GLRX3: variants seen among roughly 807,000 people sequenced by gnomAD.
GLRX3 encodes glutaredoxin 3, also known as glutaredoxin-3.
GLRX3 carries 22 observed loss-of-function variants against 49.5 expected under a neutral mutation model. The ratio of observed to expected loss-of-function variants is 0.44; its 90% CI spans 0.32 to 0.63. The LOEUF is 0.63. GLRX3 is among the 30% of genes least tolerant of loss of function. GLRX3 has a pLI of 0.05. For synonymous variants in GLRX3, 133 were observed against 140.0 expected, an observed-to-expected ratio of 0.95 and a Z score of 0.35; for missense variants, 385 against 396.3, an observed-to-expected ratio of 0.97 and a Z score of 0.24.
chr10:130,150,918 C>G (rs145700374), intron 2 of GLRX3, among the ~76,000 whole-genome samples: 3 of 150,812 alleles, frequency 2.0e-5, no homozygotes, highest in Non-Finnish European at 4.4e-5. Context: ...TCAGATAATT[C>G]TGGTAGAATT....
chr10:130,143,429 G>C lies in GLRX3; in HGVS notation c.93-1782G>C, dbSNP rs187029323. On this transcript the variant is annotated intron_variant, in intron 1 of 10. Transcript: ENST00000331244. Reference sequence around the variant, plus strand: ...CATAAAACTGAAGGATTTTTTAGTTGGATATGACCATAGATATCTTTGCCA... The same window carrying C: ...CATAAAACTGAAGGATTTTTTAGTTCGATATGACCATAGATATCTTTGCCA... Among the ~76,000 whole-genome samples the C allele has an allele frequency of 2.0e-5, 3 of 152,080 alleles. No individual in the cohort carries two copies. In the East Asian group the frequency reaches 5.8e-4, roughly 29 times the overall value.
chr10:130,148,114 G>C (rs1436388453), intron 2 of GLRX3, among the ~76,000 whole-genome samples: 2 of 152,016 alleles, frequency 1.3e-5, no homozygotes, highest in Non-Finnish European at 2.9e-5. Flanking sequence ...ATGTTCTTCT[G>C]CTTCATCTTG....
intron 2 of GLRX3, among the ~76,000 whole-genome samples, chr10:130,147,320 A>G (rs143238553): frequency 1.4e-3 from 206 of 152,380 alleles, no homozygotes; most frequent in African/African-American, 4.8e-3. Flanking sequence ...TTTTATGTGT[A>G]TCATGTTACT....
At chr10:130,174,843 T>C (rs1055056853) in intron 8 of GLRX3, 24 bp from the exon 9 acceptor site, 1 of 1,481,120 alleles carries the variant, frequency 6.8e-7, no homozygotes, top group Admixed American at 1.7e-5. Flanking sequence ...TATTTCCAGT[T>C]AAAATGTCTT....
At chr10:130,148,929 A>G (rs987340191) in intron 2 of GLRX3, among the ~76,000 whole-genome samples, 3 of 152,080 alleles carry the variant, frequency 2.0e-5, no homozygotes, top group Non-Finnish European at 4.4e-5. Context: ...CTAGCTGTGT[A>G]CACCTGTTGC....
intron 2 of GLRX3, among the ~76,000 whole-genome samples, chr10:130,158,529 A>G (rs1274534379): frequency 6.6e-6 from 1 of 152,192 alleles, no homozygotes; most frequent in Non-Finnish European, 1.5e-5. Flanking sequence ...ATTCAGTAGT[A>G]CTGAAGGAAG....
At chr10:130,165,354 A>G (rs1048658618) in intron 4 of GLRX3, among the ~76,000 whole-genome samples, 16 of 152,218 alleles carry the variant, frequency 1.1e-4, no homozygotes, top group African/African-American at 3.9e-4. Context: ...TAGGTTTATA[A>G]AAGACTGATA....
chr10:130,136,905 C>T (rs1234752782), intron 1 of GLRX3, among the ~76,000 whole-genome samples: 1 of 152,126 alleles, frequency 6.6e-6, no homozygotes, highest in Non-Finnish European at 1.5e-5. Flanking sequence ...CGCCGAGACC[C>T]CGGCCCTCCG....
intron 1 of GLRX3, among the ~76,000 whole-genome samples, chr10:130,144,379 T>G (rs1054816603): frequency 6.6e-6 from 1 of 151,704 alleles, no homozygotes; most frequent in Admixed American, 6.6e-5. Flanking sequence ...CCATGGTGGT[T>G]TGCTGCACCT....
intron 1 of GLRX3, among the ~76,000 whole-genome samples, chr10:130,137,414 G>A (rs1350665244): frequency 6.6e-6 from 1 of 152,162 alleles, no homozygotes; most frequent in Non-Finnish European, 1.5e-5. Context: ...ACTACTCCAA[G>A]GACTGAGTTG....
At chr10:130,149,013 G>A (rs1201419947) in intron 2 of GLRX3, among the ~76,000 whole-genome samples, 1 of 152,098 alleles carries the variant, frequency 6.6e-6, no homozygotes, top group Non-Finnish European at 1.5e-5. Context: ...AGCTATGATT[G>A]TGCCACTATA....
chr10:130,168,506 G>A (rs1284503581), intron 6 of GLRX3, among the ~76,000 whole-genome samples: 4 of 152,164 alleles, frequency 2.6e-5, no homozygotes, highest in Admixed American at 1.3e-4. Context: ...GTGCAGTGGT[G>A]CTATCTTGGC....
At chr10:130,155,882 G>A (rs1862462370) in intron 2 of GLRX3, among the ~76,000 whole-genome samples, 1 of 152,190 alleles carries the variant, frequency 6.6e-6, no homozygotes, top group South Asian at 2.1e-4. Context: ...GAGCATTTAG[G>A]GAGGGCAGAG....
At chr10:130,164,988 CAAAT>C (rs1367439622) in intron 4 of GLRX3, among the ~76,000 whole-genome samples, 3 of 152,204 alleles carry the variant, frequency 2.0e-5, no homozygotes, top group Non-Finnish European at 4.4e-5. Flanking sequence ...ATATGCTATA[CAAAT>C]AAATACTAGT....
rs149024140 is a variant in GLRX3, at chr10:130,172,092, T to G, written c.824+456T>G. Among the ~76,000 whole-genome samples, 55 of 152,360 alleles carry G rather than the reference T, an allele frequency of 3.6e-4. No homozygotes were observed. In the East Asian group the frequency reaches 0.01, roughly 29 times the overall value. ...TGTATTGTTTTGTGAATGCCTTAAC[T>G]TAGATCAAAATAGTATTTTCTGGCC... On this transcript the variant is annotated intron_variant, in intron 8 of 10. Transcript: ENST00000331244.
At chr10:130,159,853 T>C in intron 2 of GLRX3, 142 bp from the exon 3 acceptor site, 3 of 1,353,868 alleles carry the variant, frequency 2.2e-6, no homozygotes, top group Non-Finnish European at 2.0e-6. Context: ...CATTTAAATG[T>C]AAATGTGTCA....
intron 3 of GLRX3, among the ~76,000 whole-genome samples, chr10:130,160,414 C>G (rs1006902221): frequency 6.6e-6 from 1 of 152,176 alleles, no homozygotes; most frequent in Non-Finnish European, 1.5e-5. Context: ...GAATCTCTGG[C>G]TGGTTCTGGT....
At chr10:130,178,799 T>G (rs1452781285) in intron 10 of GLRX3, among the ~76,000 whole-genome samples, 1 of 152,028 alleles carries the variant, frequency 6.6e-6, no homozygotes, top group Admixed American at 6.6e-5. Flanking sequence ...ACCTCCCGGG[T>G]TCAGGAGATT....
intron 3 of GLRX3, among the ~76,000 whole-genome samples, chr10:130,160,535 G>A (rs983420706): frequency 1.3e-5 from 2 of 152,174 alleles, no homozygotes; most frequent in African/African-American, 4.8e-5. Flanking sequence ...ATTCATTCCA[G>A]CCAATGTGGG....
Sources: gnomAD v4.1 joint callset for allele counts (sites outside exome capture counted in the v4.1 genomes callset) on GRCh38, gnomAD v4.1.1 for gene constraint, MANE v1.5 for transcripts, NCBI Gene and HGNC (gene_info 2026-07-23, HGNC 2026-07-21) for gene names.